VPS37D: variants seen among roughly 807,000 people sequenced by gnomAD.
The protein encoded by VPS37D is vacuolar protein sorting-associated protein 37D.
VPS37D carries 5 observed loss-of-function variants against 22.0 expected under a neutral mutation model. The observed-to-expected ratio is 0.23, with a 90% CI of 0.12 to 0.48. The LOEUF (loss-of-function observed/expected upper bound fraction) is 0.48. VPS37D is among the 20% of genes least tolerant of loss of function. VPS37D has a pLI of 0.99. For synonymous variants in VPS37D, 174 were observed against 159.3 expected (o/e 1.09, Z -0.69); for missense variants, 384 against 345.8 (o/e 1.11, Z -0.88).
chr7:73,667,851 A>T lies in VPS37D; in HGVS notation c.-108A>T. The T allele has an allele frequency of 3.5e-6, 1 of 282,986 alleles. No individual in the cohort carries two copies. Among genetic ancestry groups the T allele is most frequent in the Non-Finnish European group, 5.4e-6 (1 of 186,820 alleles). 17.5% of individuals were successfully genotyped at this position (282,986 alleles called of 1,614,324 possible). A position where few individuals can be genotyped will look rare whatever the true frequency, so the allele number is the denominator to read the frequency against. On this transcript the variant is annotated 5_prime_UTR_variant, in exon 1 of 4. Coordinates refer to ENST00000324941, the MANE Select transcript of VPS37D (RefSeq NM_001077621.2). ...GCGGCGGAGCGGTGCGTGCGGCCGG[A>T]GCCGGAGCGGATCCTGGAGCCGGAG... is the stretch of plus-strand genomic sequence containing the variant.
upstream of VPS37D, among the ~76,000 whole-genome samples, chr7:73,665,856 G>A (rs922239619): frequency 9.9e-5 from 15 of 152,078 alleles, no homozygotes; most frequent in African/African-American, 2.7e-4. Context: ...CTCAGTTGTC[G>A]TTGTTGTTTT....
rs560620212 is a variant in VPS37D, at chr7:73,670,503, G to A, written c.393+401G>A. Among the ~76,000 whole-genome samples, 6 of 152,264 alleles carry A rather than the reference G, an allele frequency of 3.9e-5. No individual in the cohort carries two copies. In the South Asian group the frequency reaches 1.2e-3, roughly 32 times the overall value. ...TCTCTGATCCAGCAGGTCTGGTGAT[G>A]GCATCCTTATTTTAGAAGTTAGGGC... On this transcript the variant is annotated intron_variant, in intron 3 of 3. Transcript: ENST00000324941.
chr7:73,667,785 C>T, upstream of VPS37D: 1 of 162,330 alleles, frequency 6.2e-6, no homozygotes, highest in Non-Finnish European at 1.3e-5. Flanking sequence ...CCCCCAGCCC[C>T]GGCGCCGCGG....
At chr7:73,670,938 G>C in intron 3 of VPS37D, 76 bp from the exon 4 acceptor site, 1 of 1,547,518 alleles carries the variant, frequency 6.5e-7, no homozygotes, top group Non-Finnish European at 8.7e-7. Context: ...GAGGGCCTCA[G>C]GGTGGGAAGG....
intron 1 of VPS37D, among the ~76,000 whole-genome samples, chr7:73,668,325 G>A (rs1554609038): frequency 6.6e-6 from 1 of 151,888 alleles, no homozygotes; most frequent in Non-Finnish European, 1.5e-5. Context: ...GCACCCCCAG[G>A]ATGGCCGCGA....
chr7:73,666,350 G>A (rs1797371219), upstream of VPS37D, among the ~76,000 whole-genome samples: 2 of 152,204 alleles, frequency 1.3e-5, no homozygotes, highest in Admixed American at 1.3e-4. Context: ...TGTGGACACT[G>A]TACAAATGAG....
At chr7:73,670,896 C>G (rs1319672111) in intron 3 of VPS37D, 118 bp from the exon 4 acceptor site, 5 of 1,423,964 alleles carry the variant, frequency 3.5e-6, no homozygotes, top group Non-Finnish European at 4.7e-6. Flanking sequence ...CGCAGGTCCC[C>G]TGTCCCCCAG....
In VPS37D at chr7:73,671,312, G is replaced by A. The variant is rs1255003311; in HGVS notation, c.692G>A (p.Cys231Tyr). Reference protein sequence around the residue: ...PVPPLKGSPGCPLGPAPLLSP... With the variant: ...PVPPLKGSPGYPLGPAPLLSP... ...CCCCCACTGAAGGGCTCCCCCGGGTGCCCCCTCGGCCCGGCCCCCCTGCTG... is the reference window on the plus strand; with the variant it reads ...CCCCCACTGAAGGGCTCCCCCGGGTACCCCCTCGGCCCGGCCCCCCTGCTG... Residue 231 changes from cysteine (C) to tyrosine (Y), a missense_variant, in exon 4 of 4, where the codon TGC becomes TAC. Physicochemically the swap from Cys to Tyr is radical, Grantham distance 194. Coordinates refer to ENST00000324941, the MANE Select transcript of VPS37D (RefSeq NM_001077621.2). 1.4e-5 allele frequency: 19 copies of A among 1,389,096 alleles called. No homozygotes were observed. The highest frequency in any genetic ancestry group is 1.8e-5 in the Non-Finnish European group (19 of 1,070,170). 86.0% of individuals were successfully genotyped at this position (1,389,096 alleles called of 1,614,324 possible). A position where few individuals can be genotyped will look rare whatever the true frequency, so the allele number is the denominator to read the frequency against.
chr7:73,671,479 C>T lies in VPS37D; in HGVS notation c.*103C>T, dbSNP rs1797514700. ...GTGGGGGGAGGGGCAGGCCCCTCCCCCTGGCCTCAGGCAGGCCCTGGCCCT... is the reference window on the plus strand; with the variant it reads ...GTGGGGGGAGGGGCAGGCCCCTCCCTCTGGCCTCAGGCAGGCCCTGGCCCT... On this transcript the variant is annotated 3_prime_UTR_variant, in exon 4 of 4. Transcript: ENST00000324941. 6.6e-6 allele frequency: 3 copies of T among 457,704 alleles called. No homozygotes were observed. The highest frequency in any genetic ancestry group is 1.1e-5 in the Non-Finnish European group (3 of 275,082). 28.4% of individuals were successfully genotyped at this position (457,704 alleles called of 1,614,324 possible). A position where few individuals can be genotyped will look rare whatever the true frequency, so the allele number is the denominator to read the frequency against.
At chr7:73,666,296 C>G (rs1797370234), upstream of VPS37D, among the ~76,000 whole-genome samples, 1 of 152,222 alleles carries the variant, frequency 6.6e-6, no homozygotes. Flanking sequence ...AGTGTCCCCA[C>G]AGGGCCTAAC....
At chr7:73,669,614 C>T (rs782577623) in intron 2 of VPS37D, 24 bp downstream of exon 2, 49 of 1,569,430 alleles carry the variant, frequency 3.1e-5, no homozygotes, top group Non-Finnish European at 4.1e-5. Context: ...TGGGAGAACC[C>T]CCTGGGGCTG....
chr7:73,670,875 C>G, intron 3 of VPS37D, 139 bp from the exon 4 acceptor site: 1 of 1,265,012 alleles, frequency 7.9e-7, no homozygotes, highest in Non-Finnish European at 1.1e-6. Flanking sequence ...GGAGGCAGGC[C>G]CAGGCTGGAA....
chr7:73,669,168 A>G (rs1304579405), intron 1 of VPS37D, among the ~76,000 whole-genome samples: 1 of 141,446 alleles, frequency 7.1e-6, no homozygotes, highest in Admixed American at 7.2e-5. Context: ...CAACAACCCC[A>G]TAAGGTGGAT....
chr7:73,671,152 T>C lies in VPS37D; in HGVS notation c.532T>C (p.Ser178Pro). Reference protein sequence around the residue: ...LQELLRRRERSAQPAPTSAAD... With the variant: ...LQELLRRRERPAQPAPTSAAD... ...GGAGCTGCTGCGGCGTCGGGAGCGT[T>C]CTGCCCAGCCGGCCCCCACCTCGGC... Residue 178 changes from serine to proline, a missense_variant, in exon 4 of 4, where the codon TCT becomes CCT. By Grantham distance (74) the Ser-to-Pro change is moderately conservative (BLOSUM62 -1). Coordinates refer to ENST00000324941, the MANE Select transcript of VPS37D (RefSeq NM_001077621.2). 1.2e-6 allele frequency: 2 copies of C among 1,606,410 alleles called. No individual in the cohort carries two copies. Among genetic ancestry groups the C allele is most frequent in the East Asian group, 2.2e-5 (1 of 44,778 alleles).
chr7:73,669,635 T>G (rs782247351), intron 2 of VPS37D, 45 bp downstream of exon 2: 1 of 1,546,774 alleles, frequency 6.5e-7, no homozygotes, highest in South Asian at 1.2e-5. Flanking sequence ...GTGGGGGCAG[T>G]TGGCCATCCG....
At chr7:73,670,932 G>T (rs1043900674) in intron 3 of VPS37D, 82 bp from the exon 4 acceptor site, 1 of 1,533,078 alleles carries the variant, frequency 6.5e-7, no homozygotes, top group South Asian at 1.2e-5. Flanking sequence ...CATGGGGAGG[G>T]CCTCAGGGTG....
chr7:73,671,256 G>A lies in VPS37D; in HGVS notation c.636G>A (p.Arg212=). 6.6e-7 allele frequency: 1 copy of A among 1,511,480 alleles called. No homozygotes were observed. The highest frequency in any genetic ancestry group is 1.4e-5 in the African/African-American group (1 of 71,612). 93.6% of individuals were successfully genotyped at this position (1,511,480 alleles called of 1,614,324 possible). A position where few individuals can be genotyped will look rare whatever the true frequency, so the allele number is the denominator to read the frequency against. Residue 212 remains arginine (R), a synonymous_variant, in exon 4 of 4, where the codon CGG becomes CGA. Transcript: ENST00000324941. ...CCCGGGGGCCACCAGCAGTGCCCCG[G>A]AGCCTGCCCCCCTTGGACTCCCGCC... ...GAARGPPAVP[R]SLPPLDSRPV...
At chr7:73,666,645 C>A (rs1016555984), upstream of VPS37D, among the ~76,000 whole-genome samples, 1 of 151,998 alleles carries the variant, frequency 6.6e-6, no homozygotes, top group Non-Finnish European at 1.5e-5. Context: ...ATGATTCACC[C>A]ACCTTGGACT....
At position 73,669,663 on chromosome 7, in the gene VPS37D, A is replaced by G. The variant is rs145100610; in HGVS notation, c.310+73A>G. On this transcript the variant is annotated intron_variant, in intron 2 of 3. Coordinates refer to ENST00000324941, the MANE Select transcript of VPS37D (RefSeq NM_001077621.2). ...GCCATCCGGTGGGTTGGCCTTGGGA[A>G]GTGCCAGGCTCTGATGGATGGGAGT... 2,086 of 1,380,376 alleles carry G rather than the reference A, an allele frequency of 1.5e-3. 29 individuals carry two copies. In the East Asian group the frequency reaches 0.056, roughly 37 times the overall value. The allele number at this position is 1,380,376 out of a possible 1,614,324, so 85.5% of individuals were successfully genotyped here.
Sources: gnomAD v4.1 joint callset for allele counts (sites outside exome capture counted in the v4.1 genomes callset) on GRCh38, gnomAD v4.1.1 for gene constraint, MANE v1.5 for transcripts, NCBI Gene and HGNC (gene_info 2026-07-23, HGNC 2026-07-21) for gene names.